Variants in EMSY observed in about 807,000 individuals in gnomAD.
EMSY encodes EMSY transcriptional repressor, BRCA2 interacting, also known as BRCA2-interacting transcriptional repressor EMSY.
Under a neutral mutation model 134.6 loss-of-function variants are expected in EMSY, and 26 were observed. The ratio of observed to expected loss-of-function variants is 0.19; its 90% CI spans 0.14 to 0.27. The LOEUF is 0.27. Among genes scored for constraint, EMSY ranks in the 10% least tolerant of loss-of-function variants. EMSY has a pLI of 1.00. For missense variants in EMSY, 1,305 were observed against 1,611.4 expected, an observed-to-expected ratio of 0.81 and a Z score of 3.26; for synonymous variants, 579 against 577.8, an observed-to-expected ratio of 1.00 and a Z score of -0.03.
intron 17 of EMSY, among the ~76,000 whole-genome samples, chr11:76,541,757 T>A (rs1311037566): frequency 6.6e-6 from 1 of 152,246 alleles, no homozygotes; most frequent in African/African-American, 2.4e-5. Flanking sequence ...TTATTGCATG[T>A]CGAACTGAGA....
At chr11:76,458,123 A>G in intron 4 of EMSY, 60 bp from the exon 6 acceptor site, 2 of 1,466,016 alleles carry the variant, frequency 1.4e-6, no homozygotes, top group East Asian at 2.4e-5. Context: ...TTGAGCATAT[A>G]TGTTTGATTT....
intron 9 of EMSY, among the ~76,000 whole-genome samples, chr11:76,509,765 T>A (rs1950209185): frequency 6.6e-6 from 1 of 152,200 alleles, no homozygotes; most frequent in South Asian, 2.1e-4. Flanking sequence ...TTGTGGAGAC[T>A]CTGACAATAT....
chr11:76,511,379 A>G (rs1019291698), intron 9 of EMSY, among the ~76,000 whole-genome samples: 1 of 152,166 alleles, frequency 6.6e-6, no homozygotes, highest in Non-Finnish European at 1.5e-5. Context: ...TTATTTCTTT[A>G]GAAGCTCCTT....
chr11:76,479,246 C>T (rs986695844), intron 8 of EMSY, among the ~76,000 whole-genome samples: 1 of 152,220 alleles, frequency 6.6e-6, no homozygotes, highest in Non-Finnish European at 1.5e-5. Flanking sequence ...CCAGCTGATG[C>T]CACAAGTGGA....
intron 19 of EMSY, among the ~76,000 whole-genome samples, chr11:76,545,098 A>G (rs930810707): frequency 6.6e-6 from 1 of 152,250 alleles, no homozygotes; most frequent in Non-Finnish European, 1.5e-5. Flanking sequence ...AACAGTGCAT[A>G]GAAGCGATAT....
At position 76,485,498 on chromosome 11, in the gene EMSY, C is replaced by T. The variant is rs111690195; in HGVS notation, c.1109-10717C>T. On this transcript the variant is annotated intron_variant, in intron 8 of 20. Transcript: ENST00000334736. ...AAGGCCTTTGACAAAATTCAACACCCCTTCATGCTTGAAACTCTCAATAAA... is the reference window on the plus strand; with the variant it reads ...AAGGCCTTTGACAAAATTCAACACCTCTTCATGCTTGAAACTCTCAATAAA... 6.5e-3 allele frequency among the ~76,000 whole-genome samples: 987 copies of T among 152,286 alleles called. 11 individuals carry two copies. The highest frequency in any genetic ancestry group is 0.023 in the African/African-American group (936 of 41,548).
intron 4 of EMSY, 57 bp from the exon 6 acceptor site, chr11:76,458,125 GT>G: frequency 6.8e-7 from 1 of 1,480,078 alleles, no homozygotes; most frequent in African/African-American, 1.4e-5. Context: ...GAGCATATAT[GT>G]TTGATTTGTT....
At chr11:76,514,800 A>G (rs375258588) in intron 10 of EMSY, among the ~76,000 whole-genome samples, 2 of 152,228 alleles carry the variant, frequency 1.3e-5, no homozygotes, top group East Asian at 1.9e-4. Context: ...TTCTGTCTCT[A>G]TGCAAAGCCT....
chr11:76,535,060 A>T (rs1042967432), intron 14 of EMSY, among the ~76,000 whole-genome samples: 2 of 152,212 alleles, frequency 1.3e-5, no homozygotes, highest in Non-Finnish European at 2.9e-5. Context: ...TGAAACTAAC[A>T]AAGGGTCTTA....
intron 4 of EMSY, chr11:76,453,600 G>A (rs1947755744): frequency 2.6e-6 from 1 of 380,276 alleles, no homozygotes; most frequent in Non-Finnish European, 4.7e-6. Context: ...AAGTACTCAG[G>A]TCAAATCCTG....
At chr11:76,544,632 A>G (rs1487532236) in exon 19 of EMSY, 1 of 1,614,070 alleles carries the variant, frequency 6.2e-7, no homozygotes, top group Admixed American at 1.7e-5. Flanking sequence ...ATGGTGGCCA[A>G]AGACAGGCAG....
chr11:76,544,884 A>T, intron 19 of EMSY, 62 bp downstream of exon 20: 1 of 1,514,784 alleles, frequency 6.6e-7, no homozygotes, highest in East Asian at 2.3e-5. Flanking sequence ...AAAAATGAGA[A>T]CATCACGACC....
chr11:76,515,121 A>G (rs1950403773), intron 10 of EMSY, among the ~76,000 whole-genome samples: 1 of 149,266 alleles, frequency 6.7e-6, no homozygotes, highest in African/African-American at 2.5e-5. Flanking sequence ...ATATAAACTA[A>G]TTCTACTTAT....
At chr11:76,465,146 G>C (rs2135204625) in intron 7 of EMSY, among the ~76,000 whole-genome samples, 1 of 152,200 alleles carries the variant, frequency 6.6e-6, no homozygotes, top group East Asian at 1.9e-4. Flanking sequence ...TGAGTTATTT[G>C]ATTTGTCTCT....
chr11:76,454,842 A>G, intron 4 of EMSY, 52 bp downstream of exon 5: 1 of 1,291,580 alleles, frequency 7.7e-7, no homozygotes, highest in Non-Finnish European at 1.1e-6. Context: ...TTTATTTCCA[A>G]ATTGAAGCTC....
intron 7 of EMSY, among the ~76,000 whole-genome samples, chr11:76,470,129 T>C (rs1465038578): frequency 6.6e-6 from 1 of 152,170 alleles, no homozygotes; most frequent in African/African-American, 2.4e-5. Flanking sequence ...GAGATGTAGG[T>C]CCTGAGTACA....
chr11:76,496,965 G>C (rs905600593), intron 9 of EMSY: 1 of 201,468 alleles, frequency 5.0e-6, no homozygotes, highest in South Asian at 9.1e-5. Context: ...TCCTTGCTTT[G>C]TTCCTAATCT....
At chr11:76,493,893 C>T (rs2135746417) in intron 8 of EMSY, among the ~76,000 whole-genome samples, 1 of 152,302 alleles carries the variant, frequency 6.6e-6, no homozygotes, top group Admixed American at 6.5e-5. Context: ...CCCATGTTAC[C>T]AGTGACAGGA....
At chr11:76,456,804 T>C (rs1282550627) in intron 4 of EMSY, among the ~76,000 whole-genome samples, 1 of 152,180 alleles carries the variant, frequency 6.6e-6, no homozygotes, top group African/African-American at 2.4e-5. Context: ...TGAACTTAAA[T>C]CCTTAAATTG....
Sources: allele counts gnomAD v4.1 joint callset (sites outside exome capture counted in the v4.1 genomes callset), GRCh38; gene constraint gnomAD v4.1.1; transcripts MANE v1.5; gene names NCBI Gene and HGNC (gene_info 2026-07-23, HGNC 2026-07-21).